The following CCDC178 variants were observed in gnomAD, a reference collection of about 807,000 sequenced individuals.
The protein encoded by CCDC178 is coiled-coil domain containing 178.
A neutral mutation model predicts 117.4 loss-of-function variants in CCDC178; 126 were observed. The observed-to-expected ratio is 1.07, with a 90% confidence interval of 0.93 to 1.24. The LOEUF is 1.24. Among genes scored for constraint, CCDC178 ranks in the 50% most tolerant of loss-of-function variants. CCDC178 has a pLI of 0.00. For synonymous variants in CCDC178, 283 were observed against 313.4 expected (o/e 0.90, Z 1.02); for missense variants, 1,030 against 986.9 (o/e 1.04, Z -0.59).
At chr18:33,079,419 T>A (rs2057262805) in intron 21 of CCDC178, among the ~76,000 whole-genome samples, 1 of 152,082 alleles carries the variant, frequency 6.6e-6, no homozygotes, top group Admixed American at 6.6e-5. Flanking sequence ...AACCAAAAGT[T>A]GACAAATGGG....
intron 20 of CCDC178, among the ~76,000 whole-genome samples, chr18:33,184,793 T>A (rs904741069): frequency 1.3e-4 from 20 of 151,986 alleles, no homozygotes; most frequent in African/African-American, 4.8e-4. Flanking sequence ...GATGGGAAAA[T>A]GTGTGCAGTT....
At chr18:32,944,731 A>G (rs1478746016) in intron 22 of CCDC178, among the ~76,000 whole-genome samples, 3 of 152,096 alleles carry the variant, frequency 2.0e-5, no homozygotes, top group East Asian at 3.9e-4. Context: ...TAGCTCCCAT[A>G]ATTCCCATGT....
At chr18:32,998,195 G>C (rs1287525045) in intron 21 of CCDC178, among the ~76,000 whole-genome samples, 1 of 152,194 alleles carries the variant, frequency 6.6e-6, no homozygotes, top group Non-Finnish European at 1.5e-5. Flanking sequence ...GTGGGACTTT[G>C]CGTTGGAAGT....
chr18:33,196,715 CATTTT>C (rs1180445903), intron 20 of CCDC178, among the ~76,000 whole-genome samples: 1 of 152,078 alleles, frequency 6.6e-6, no homozygotes, highest in Non-Finnish European at 1.5e-5. Context: ...TATGGTACTA[CATTTT>C]ATTACCTCAT....
At chr18:33,288,463 C>G (rs778681893) in intron 12 of CCDC178, among the ~76,000 whole-genome samples, 2 of 135,400 alleles carry the variant, frequency 1.5e-5, no homozygotes, top group Non-Finnish European at 3.1e-5. Context: ...TTTCTTCCCT[C>G]TCTCTCCTTC....
intron 6 of CCDC178, among the ~76,000 whole-genome samples, chr18:33,362,833 CTAAA>C (rs1324474500): frequency 6.6e-6 from 1 of 151,846 alleles, no homozygotes; most frequent in Admixed American, 6.6e-5. Flanking sequence ...TGCTTTGGAG[CTAAA>C]TATAGTGGTG....
At chr18:33,365,980 T>G (rs1481245579) in intron 6 of CCDC178, among the ~76,000 whole-genome samples, 3 of 152,050 alleles carry the variant, frequency 2.0e-5, no homozygotes, top group Non-Finnish European at 1.5e-5. Flanking sequence ...TCAGTGGAGA[T>G]TCAAATTGCA....
chr18:33,332,029 A>G (rs2062676177), intron 10 of CCDC178, among the ~76,000 whole-genome samples: 1 of 152,242 alleles, frequency 6.6e-6, no homozygotes, highest in Admixed American at 6.5e-5. Context: ...TGAAATATCT[A>G]TCTGATGGAA....
chr18:33,099,035 T>A (rs1481763500), intron 20 of CCDC178, among the ~76,000 whole-genome samples: 2 of 151,940 alleles, frequency 1.3e-5, no homozygotes, highest in Admixed American at 1.3e-4. Context: ...TTAGTATATA[T>A]CTGAGCAAAT....
rs184960122 is a variant in CCDC178 at position 33,168,605 on chromosome 18, G to A, written c.2238+43291C>T. On this transcript the variant is annotated intron_variant, in intron 20 of 22. Coordinates refer to ENST00000383096, the MANE Select transcript of CCDC178 (RefSeq NM_001105528.4). ...ATCCAAAAACATGAAGTTAAAGTAA[G>A]CAGTTTGTTATAAAACTAAGAGCAT... Among the ~76,000 whole-genome samples the A allele has an allele frequency of 4.1e-3, 617 of 152,266 alleles. 2 individuals are homozygous for A. Among genetic ancestry groups the A allele is most frequent in the African/African-American group, 0.014 (597 of 41,546 alleles).
intron 21 of CCDC178, among the ~76,000 whole-genome samples, chr18:33,017,860 T>C (rs1418684324): frequency 6.6e-6 from 1 of 151,908 alleles, no homozygotes; most frequent in Non-Finnish European, 1.5e-5. Context: ...ATCTTCGTAA[T>C]TTTGGATTAG....
chr18:33,346,091 C>T (rs910777139), intron 9 of CCDC178, 120 bp downstream of exon 9: 11 of 644,008 alleles, frequency 1.7e-5, no homozygotes, highest in South Asian at 7.3e-5. Context: ...CCTCCCAAAG[C>T]GTGGGATTAC....
intron 20 of CCDC178, among the ~76,000 whole-genome samples, chr18:33,097,684 T>G (rs1447093993): frequency 6.6e-6 from 1 of 152,096 alleles, no homozygotes; most frequent in Non-Finnish European, 1.5e-5. Flanking sequence ...AATGCAGTCT[T>G]CATAAAATGT....
chr18:33,424,571 G>A (rs970121967), intron 2 of CCDC178, among the ~76,000 whole-genome samples: 4 of 152,168 alleles, frequency 2.6e-5, no homozygotes, highest in Non-Finnish European at 4.4e-5. Flanking sequence ...TGTGCATAGG[G>A]CTTGACACAG....
At chr18:32,981,247 T>G (rs1380164456) in intron 21 of CCDC178, among the ~76,000 whole-genome samples, 1 of 152,140 alleles carries the variant, frequency 6.6e-6, no homozygotes, top group African/African-American at 2.4e-5. Flanking sequence ...CAAAAAAATC[T>G]TACAAATAAT....
chr18:33,053,230 T>C (rs2056774629), intron 21 of CCDC178, among the ~76,000 whole-genome samples: 1 of 152,004 alleles, frequency 6.6e-6, no homozygotes, highest in South Asian at 2.1e-4. Context: ...ATTTACACAG[T>C]CTACCTACTG....
At chr18:33,316,840 A>G (rs758165347) in intron 11 of CCDC178, among the ~76,000 whole-genome samples, 1 of 152,060 alleles carries the variant, frequency 6.6e-6, no homozygotes, top group African/African-American at 2.4e-5. Context: ...AAATGTACCA[A>G]TCAGCACTCT....
At chr18:32,972,975 T>C (rs1395806877) in intron 22 of CCDC178, among the ~76,000 whole-genome samples, 1 of 152,038 alleles carries the variant, frequency 6.6e-6, no homozygotes, top group East Asian at 1.9e-4. Context: ...CCAAATACAA[T>C]CCAACCTTGC....
intron 20 of CCDC178, among the ~76,000 whole-genome samples, chr18:33,093,273 T>C: frequency 6.6e-6 from 1 of 152,076 alleles, no homozygotes; most frequent in East Asian, 1.9e-4. Context: ...CTTTCACAGT[T>C]TCCTGTCCTC....
Sources: allele counts gnomAD v4.1 joint callset (sites outside exome capture counted in the v4.1 genomes callset), GRCh38; gene constraint gnomAD v4.1.1; transcripts MANE v1.5; gene names NCBI Gene and HGNC (gene_info 2026-07-23, HGNC 2026-07-21).